The following HS3ST5 variants were observed in gnomAD, a reference collection of about 807,000 sequenced individuals.
HS3ST5 encodes the protein heparan sulfate-glucosamine 3-sulfotransferase 5.
A neutral mutation model predicts 25.4 loss-of-function variants in HS3ST5; 10 were observed. The observed-to-expected ratio is 0.39, with a 90% CI of 0.24 to 0.67. The LOEUF (loss-of-function observed/expected upper bound fraction) is 0.67. Among genes scored for constraint, HS3ST5 ranks in the 30% least tolerant of loss-of-function variants. The probability of loss-of-function intolerance (pLI) is 0.44; values close to 1 mark genes in which losing one functional copy is unlikely to be tolerated. For missense variants in HS3ST5, 324 were observed against 420.7 expected (o/e 0.77, Z 2.01); for synonymous variants, 170 against 162.4 (o/e 1.05, Z -0.36).
chr6:114,311,236 G>GTA (rs1437587752), intron 1 of HS3ST5, among the ~76,000 whole-genome samples: 17 of 151,274 alleles, frequency 1.1e-4, no homozygotes, highest in African/African-American at 3.9e-4. Context: ...GATGCTATTC[G>GTA]ACCTTCATTT....
intron 1 of HS3ST5, among the ~76,000 whole-genome samples, chr6:114,264,529 G>T (rs1268077778): frequency 7.5e-6 from 1 of 133,210 alleles, no homozygotes; most frequent in Non-Finnish European, 1.7e-5. Context: ...TATGAGTGAG[G>T]TTGAATAGAT....
chr6:114,238,348 C>T (rs1314629884), intron 1 of HS3ST5, among the ~76,000 whole-genome samples: 2 of 152,046 alleles, frequency 1.3e-5, no homozygotes, highest in African/African-American at 4.8e-5. Flanking sequence ...GTGGTTTGGC[C>T]AAAGGAAAGA....
chr6:114,138,463 G>A (rs1217401289), intron 3 of HS3ST5, among the ~76,000 whole-genome samples: 11 of 152,168 alleles, frequency 7.2e-5, no homozygotes, highest in Admixed American at 7.2e-4. Flanking sequence ...TGGGCAAAAG[G>A]TCTTGATGTC....
chr6:114,341,604 C>G (rs1230153283), intron 1 of HS3ST5, among the ~76,000 whole-genome samples: 2 of 145,852 alleles, frequency 1.4e-5, no homozygotes, highest in Non-Finnish European at 3.0e-5. Context: ...CGCGCGCGCG[C>G]GTGTGTGTTG....
intron 1 of HS3ST5, among the ~76,000 whole-genome samples, chr6:114,246,379 C>T (rs1198577233): frequency 1.3e-5 from 2 of 152,058 alleles, no homozygotes; most frequent in African/African-American, 4.8e-5. Flanking sequence ...TTTTGAGGAT[C>T]GAAAGTGATA....
chr6:114,158,594 T>G (rs1451445321), intron 3 of HS3ST5, among the ~76,000 whole-genome samples: 1 of 152,176 alleles, frequency 6.6e-6, no homozygotes, highest in Non-Finnish European at 1.5e-5. Context: ...TTGGCAAAAG[T>G]CAGTTGGCAG....
intron 2 of HS3ST5, among the ~76,000 whole-genome samples, chr6:114,219,760 A>G (rs1474902709): frequency 6.6e-6 from 1 of 152,142 alleles, no homozygotes; most frequent in Non-Finnish European, 1.5e-5. Context: ...TGTGATTTTC[A>G]ATGAGCTTTA....
At chr6:114,338,663 T>G (rs910838798) in intron 1 of HS3ST5, among the ~76,000 whole-genome samples, 34 of 152,126 alleles carry the variant, frequency 2.2e-4, no homozygotes, top group African/African-American at 8.2e-4. Context: ...TGGTGACTTT[T>G]AAATGAAGTT....
intron 1 of HS3ST5, among the ~76,000 whole-genome samples, chr6:114,341,154 GGA>G (rs1473188057): frequency 2.1e-5 from 3 of 144,970 alleles, no homozygotes; most frequent in Non-Finnish European, 4.6e-5. Flanking sequence ...GAGGAGAGGG[GGA>G]GAGAGGGGAG....
intron 1 of HS3ST5, among the ~76,000 whole-genome samples, chr6:114,284,136 C>T (rs1174045296): frequency 6.6e-6 from 1 of 151,808 alleles, no homozygotes; most frequent in Non-Finnish European, 1.5e-5. Flanking sequence ...ACTCATATGC[C>T]CTTACTCAGA....
chr6:114,084,355 G>A, intron 3 of HS3ST5: 1 of 757,720 alleles, frequency 1.3e-6, no homozygotes, highest in Non-Finnish European at 2.4e-6. Flanking sequence ...CTCAGGAGCT[G>A]AATCAGTCCA....
At position 114,165,942 on chromosome 6, in the gene HS3ST5, A is replaced by G. The variant is rs562950674; in HGVS notation, c.-33+2409T>C. The stretch of plus-strand genomic sequence containing the variant: ...CCTGCCTATAATCCAGCTACTTGGG[A>G]GGCTGACGCGGGAGGATCCCTTGAG... On this transcript the variant is annotated intron_variant, in intron 3 of 4. Coordinates refer to ENST00000312719, the MANE Select transcript of HS3ST5 (RefSeq NM_153612.4). Among the ~76,000 whole-genome samples, 29 of 152,250 alleles carry G rather than the reference A, an allele frequency of 1.9e-4. 1 individual carries two copies. The South Asian group carries it at 5.6e-3, about 29-fold the overall frequency.
Position 114,219,133 on chromosome 6 carries a change from T to G in HS3ST5, c.-145+9452A>C, listed in dbSNP as rs545980886. Reference sequence around the variant, plus strand: ...AAATCCTCATTCACAATAAATGTGGTGCCCCAAGGCACTATTGCTACCTCA... The same window carrying G: ...AAATCCTCATTCACAATAAATGTGGGGCCCCAAGGCACTATTGCTACCTCA... On this transcript the variant is annotated intron_variant, in intron 2 of 4. Transcript: ENST00000312719. Among the ~76,000 whole-genome samples the G allele has an allele frequency of 2.3e-3, 350 of 152,338 alleles. 1 individual carries two copies. The highest frequency in any genetic ancestry group is 3.6e-3 in the Non-Finnish European group (245 of 68,038).
chr6:114,108,712 CAA>C (rs1210677548), intron 3 of HS3ST5, among the ~76,000 whole-genome samples: 1 of 152,092 alleles, frequency 6.6e-6, no homozygotes, highest in African/African-American at 2.4e-5. Flanking sequence ...AAATAGATAA[CAA>C]AGAGGCATAA....
chr6:114,266,296 G>C (rs1007534780), intron 1 of HS3ST5, among the ~76,000 whole-genome samples: 1 of 152,154 alleles, frequency 6.6e-6, no homozygotes, highest in Non-Finnish European at 1.5e-5. Context: ...GCTTGTTGAT[G>C]CCCTGAATTT....
rs1381018095 is a variant in HS3ST5, at chr6:114,249,979, T to C, written c.-338-21201A>G. 2.0e-5 allele frequency among the ~76,000 whole-genome samples: 3 copies of C among 152,328 alleles called. No individual in the cohort carries two copies. In the East Asian group the frequency reaches 5.8e-4, roughly 29 times the overall value. ...AATATTTGTGCATTTGTATCTATTTTCATGCTTTTTAATCATTTGCTTTTT... is the reference window on the plus strand; with the variant it reads ...AATATTTGTGCATTTGTATCTATTTCCATGCTTTTTAATCATTTGCTTTTT... On this transcript the variant is annotated intron_variant, in intron 1 of 4. Transcript: ENST00000312719.
intron 3 of HS3ST5, among the ~76,000 whole-genome samples, chr6:114,121,638 T>G (rs1042902954): frequency 3.3e-5 from 5 of 152,130 alleles, no homozygotes; most frequent in African/African-American, 9.7e-5. Context: ...AATCACATGT[T>G]AAAAGAATAT....
intron 3 of HS3ST5, among the ~76,000 whole-genome samples, chr6:114,166,519 G>A (rs1236572982): frequency 6.6e-6 from 1 of 152,138 alleles, no homozygotes; most frequent in Non-Finnish European, 1.5e-5. Context: ...CATATAAATT[G>A]TATAGCTTAC....
rs989721593 is a variant in HS3ST5 at position 114,162,501 on chromosome 6, C to T, written c.-33+5850G>A. Among the ~76,000 whole-genome samples the T allele has an allele frequency of 5.3e-5, 8 of 152,180 alleles. No individual in the cohort carries two copies. In the South Asian group the frequency reaches 1.7e-3, roughly 31 times the overall value. ...TCCTGTTCTTTTTCCACCAATCCATCCTGCCTAGTCCTGCCAGATTAATCT... is the reference window on the plus strand; with the variant it reads ...TCCTGTTCTTTTTCCACCAATCCATTCTGCCTAGTCCTGCCAGATTAATCT... On this transcript the variant is annotated intron_variant, in intron 3 of 4. Coordinates refer to ENST00000312719, the MANE Select transcript of HS3ST5 (RefSeq NM_153612.4).
Sources: gnomAD v4.1 joint callset for allele counts (sites outside exome capture counted in the v4.1 genomes callset) on GRCh38, gnomAD v4.1.1 for gene constraint, MANE v1.5 for transcripts, NCBI Gene and HGNC (gene_info 2026-07-23, HGNC 2026-07-21) for gene names.